The following GPC6 variants were observed in gnomAD, a reference collection of about 807,000 sequenced individuals.
GPC6 encodes glypican-6.
Under a neutral mutation model 55.2 loss-of-function variants are expected in GPC6, and 14 were observed. That is an observed-to-expected ratio of 0.25 (90% CI 0.17 to 0.40). The LOEUF (loss-of-function observed/expected upper bound fraction) is 0.40, where lower values mean the gene tolerates loss of function less well. GPC6 is among the 10% of genes least tolerant of loss of function. The pLI, the probability that GPC6 is intolerant of heterozygous loss-of-function variation, is 1.00. For synonymous variants in GPC6, 278 were observed against 259.6 expected (o/e 1.07, Z -0.68); for missense variants, 641 against 708.5 (o/e 0.90, Z 1.08).
chr13:94,078,874 G>A (rs1272227978), intron 4 of GPC6, among the ~76,000 whole-genome samples: 1 of 151,590 alleles, frequency 6.6e-6, no homozygotes, highest in Admixed American at 6.6e-5. Flanking sequence ...GAAGAGAAAG[G>A]AATCTTTCTA....
rs570983210 is a variant in GPC6, at chr13:93,561,608, G to T, written c.319+16187G>T. Among the ~76,000 whole-genome samples, 3 of 152,060 alleles carry T rather than the reference G, an allele frequency of 2.0e-5. No homozygotes were observed. In the South Asian group the frequency reaches 6.2e-4, roughly 32 times the overall value. On this transcript the variant is annotated intron_variant, in intron 2 of 8. Transcript: ENST00000377047. ...ATTTGAGTATTTGTTTGCAAAACAA[G>T]CCCAGGCTAATGGAGGATCATTTGT...
At chr13:93,349,850 A>C (rs1365312268) in intron 1 of GPC6, among the ~76,000 whole-genome samples, 4 of 152,190 alleles carry the variant, frequency 2.6e-5, no homozygotes, top group Non-Finnish European at 4.4e-5. Flanking sequence ...CTAATATAAA[A>C]TATAAATGTT....
chr13:93,216,619 C>A, the GPC6 span, among the ~76,000 whole-genome samples: 1 of 152,000 alleles, frequency 6.6e-6, no homozygotes, highest in East Asian at 1.9e-4. Flanking sequence ...AGGGACTGGA[C>A]AAAAATCCAC....
At chr13:93,841,468 C>G (rs904747684) in intron 3 of GPC6, among the ~76,000 whole-genome samples, 25 of 152,074 alleles carry the variant, frequency 1.6e-4, no homozygotes. Flanking sequence ...GAGTGATATT[C>G]AGCACAAACA....
chr13:93,272,492 G>GTA (rs61556173), intron 1 of GPC6, among the ~76,000 whole-genome samples: 13,001 of 136,852 alleles, frequency 0.095, 1,065 homozygotes, highest in African/African-American at 0.24. Flanking sequence ...TTGTCTGTGT[G>GTA]TATATATATA....
chr13:94,227,447 G>T (rs1413275405), intron 4 of GPC6, among the ~76,000 whole-genome samples: 2 of 152,172 alleles, frequency 1.3e-5, no homozygotes, highest in Non-Finnish European at 2.9e-5. Context: ...TGAAGTTCAG[G>T]TCACACTCTG....
At chr13:93,407,529 G>A (rs944130512) in intron 1 of GPC6, among the ~76,000 whole-genome samples, 26 of 152,102 alleles carry the variant, frequency 1.7e-4, no homozygotes, top group African/African-American at 6.3e-4. Flanking sequence ...TTTCTAAAAA[G>A]GCACATTTTC....
intron 2 of GPC6, among the ~76,000 whole-genome samples, chr13:93,584,370 G>A (rs1208511566): frequency 1.3e-5 from 2 of 152,134 alleles, no homozygotes; most frequent in Non-Finnish European, 2.9e-5. Context: ...TCAGGGTCTT[G>A]TGAGCTCAAA....
intron 1 of GPC6, among the ~76,000 whole-genome samples, chr13:93,254,455 C>T (rs1876887422): frequency 6.6e-6 from 1 of 151,990 alleles, no homozygotes; most frequent in Non-Finnish European, 1.5e-5. Flanking sequence ...TATTTTTTGC[C>T]ATAGGTGACT....
intron 2 of GPC6, among the ~76,000 whole-genome samples, chr13:93,576,297 A>C (rs529263089): frequency 3.0e-4 from 45 of 152,304 alleles, no homozygotes; most frequent in African/African-American, 1.0e-3. Flanking sequence ...GTCAATTTTT[A>C]ATTAAAAGAA....
chr13:93,665,634 A>T (rs1881099415), intron 2 of GPC6, among the ~76,000 whole-genome samples: 1 of 152,234 alleles, frequency 6.6e-6, no homozygotes, highest in Non-Finnish European at 1.5e-5. Context: ...TCTTATAGTA[A>T]AGGATAGCAT....
chr13:93,266,259 G>T (rs1877319944), intron 1 of GPC6, among the ~76,000 whole-genome samples: 2 of 152,056 alleles, frequency 1.3e-5, no homozygotes, highest in African/African-American at 2.4e-5. Context: ...TAATTAAATT[G>T]TGTATAATTT....
At chr13:94,279,865 A>C (rs1346321732) in intron 4 of GPC6, among the ~76,000 whole-genome samples, 13 of 152,176 alleles carry the variant, frequency 8.5e-5, no homozygotes, top group Admixed American at 6.5e-4. Flanking sequence ...ACTTCCAATT[A>C]TGTGATCAAT....
chr13:93,974,751 T>C (rs1483380819), intron 3 of GPC6, among the ~76,000 whole-genome samples: 5 of 152,182 alleles, frequency 3.3e-5, no homozygotes, highest in Non-Finnish European at 7.3e-5. Context: ...TTTTAATCCA[T>C]TTCCTTATTT....
intron 3 of GPC6, among the ~76,000 whole-genome samples, chr13:94,011,299 G>A (rs1437237907): frequency 6.6e-6 from 1 of 152,090 alleles, no homozygotes; most frequent in Non-Finnish European, 1.5e-5. Context: ...TAAAACTGGT[G>A]TCATCCTTCA....
chr13:93,395,364 G>T, intron 1 of GPC6: 1 of 396,142 alleles, frequency 2.5e-6, no homozygotes. Context: ...TTCACAGGAT[G>T]GTATTTCGGA....
At chr13:93,670,591 C>T (rs1881320060) in intron 2 of GPC6, among the ~76,000 whole-genome samples, 1 of 152,104 alleles carries the variant, frequency 6.6e-6, no homozygotes, top group African/African-American at 2.4e-5. Flanking sequence ...ACATAATAGA[C>T]TGGGGAAGCT....
intron 2 of GPC6, among the ~76,000 whole-genome samples, chr13:93,757,915 C>T (rs1188310597): frequency 1.3e-5 from 2 of 152,146 alleles, no homozygotes; most frequent in Non-Finnish European, 2.9e-5. Context: ...ATTTGTGTTG[C>T]TAATATCTTC....
intron 7 of GPC6, among the ~76,000 whole-genome samples, chr13:94,395,408 C>T (rs2139224418): frequency 6.6e-6 from 1 of 152,280 alleles, no homozygotes; most frequent in Non-Finnish European, 1.5e-5. Context: ...TTACAATGCA[C>T]TCTGTGTGTT....
Sources: allele counts gnomAD v4.1 joint callset (sites outside exome capture counted in the v4.1 genomes callset), GRCh38; gene constraint gnomAD v4.1.1; transcripts MANE v1.5; gene names NCBI Gene and HGNC (gene_info 2026-07-23, HGNC 2026-07-21).